PCCA: variants seen among roughly 807,000 people sequenced by gnomAD.
PCCA encodes the protein propionyl-CoA carboxylase subunit alpha.
A neutral mutation model predicts 101.3 loss-of-function variants in PCCA; 74 were observed. That is an observed-to-expected ratio of 0.73 (90% confidence interval 0.61 to 0.89). PCCA has a LOEUF of 0.89. Among genes scored for constraint, PCCA ranks in the 40% least tolerant of loss-of-function variants. PCCA has a pLI of 0.00. For synonymous variants in PCCA, 294 were observed against 313.6 expected, an observed-to-expected ratio of 0.94 and a Z score of 0.66; for missense variants, 891 against 907.0, an observed-to-expected ratio of 0.98 and a Z score of 0.23.
At chr13:100,362,386 A>G (rs2074717036) in intron 18 of PCCA, among the ~76,000 whole-genome samples, 2 of 152,246 alleles carry the variant, frequency 1.3e-5, no homozygotes, top group African/African-American at 2.4e-5. Flanking sequence ...TTTAGCATTT[A>G]TGTGCCAAAC....
chr13:100,174,833 C>T (rs1246335700), intron 6 of PCCA, among the ~76,000 whole-genome samples: 1 of 151,394 alleles, frequency 6.6e-6, no homozygotes, highest in Admixed American at 6.6e-5. Context: ...TATTACTCTT[C>T]TTTATGAGTA....
At chr13:100,224,819 A>G (rs549729226) in intron 7 of PCCA, among the ~76,000 whole-genome samples, 9 of 152,334 alleles carry the variant, frequency 5.9e-5, no homozygotes, top group South Asian at 2.1e-4. Flanking sequence ...CTCTAATGTC[A>G]GTGAAAACAT....
intron 8 of PCCA, among the ~76,000 whole-genome samples, chr13:100,250,573 A>G (rs899857233): frequency 6.6e-6 from 1 of 151,982 alleles, no homozygotes; most frequent in African/African-American, 2.4e-5. Context: ...GTAACTTATA[A>G]TAGTATTTGT....
At chr13:100,420,543 C>T (rs141229342) in intron 19 of PCCA, among the ~76,000 whole-genome samples, 249 of 152,256 alleles carry the variant, frequency 1.6e-3, no homozygotes, top group South Asian at 4.8e-3. Context: ...CATGCCACTG[C>T]ACTCCAGCCT....
At chr13:100,282,022 G>T (rs1595097664) in intron 12 of PCCA, among the ~76,000 whole-genome samples, 1 of 152,142 alleles carries the variant, frequency 6.6e-6, no homozygotes, top group African/African-American at 2.4e-5. Context: ...ATCTTTGTGT[G>T]ATAGTGAAAA....
At chr13:100,481,006 G>T (rs926952012) in intron 21 of PCCA, 1 of 152,162 alleles carries the variant, frequency 6.6e-6, no homozygotes, top group Non-Finnish European at 1.5e-5. Context: ...ATTTCAGCTC[G>T]GCACTTAGCC....
At chr13:100,165,154 G>T (rs1190294880) in intron 6 of PCCA, among the ~76,000 whole-genome samples, 1 of 152,102 alleles carries the variant, frequency 6.6e-6, no homozygotes, top group Non-Finnish European at 1.5e-5. Flanking sequence ...GTATCTGTTT[G>T]GGTCCCTGCT....
rs1225598877 is a variant in PCCA at position 100,193,513 on chromosome 13, CTT to C, written c.469-15818_469-15817del. ...ATGGTTTTTTAGTAATAAAGTGAGACTTAATACAGTGCTTTTAAATAGTATGA... is the reference window on the plus strand; with the variant it reads ...ATGGTTTTTTAGTAATAAAGTGAGACAATACAGTGCTTTTAAATAGTATGA... On this transcript the variant is annotated intron_variant, in intron 6 of 23. Transcript: ENST00000376285. Among the ~76,000 whole-genome samples, 8 of 152,142 alleles carry C rather than the reference CTT, an allele frequency of 5.3e-5. No individual in the cohort carries two copies. The East Asian group carries it at 5.8e-4, about 11-fold the overall frequency.
chr13:100,278,796 C>T (rs955652448), intron 12 of PCCA, among the ~76,000 whole-genome samples: 2 of 151,896 alleles, frequency 1.3e-5, no homozygotes, highest in African/African-American at 2.4e-5. Context: ...ATATTTTTAT[C>T]GAATAATTCT....
intron 4 of PCCA, among the ~76,000 whole-genome samples, chr13:100,137,300 G>A (rs1045236026): frequency 6.6e-6 from 1 of 152,000 alleles, no homozygotes; most frequent in African/African-American, 2.4e-5. Context: ...TGTTTCATGT[G>A]CACTTGTAAA....
intron 19 of PCCA, among the ~76,000 whole-genome samples, chr13:100,411,225 AT>A (rs566218424): frequency 0.024 from 3,316 of 135,600 alleles, 79 homozygotes; most frequent in African/African-American, 0.066. Flanking sequence ...GTGCCTCTTG[AT>A]TTTTTTTTTT....
intron 21 of PCCA, among the ~76,000 whole-genome samples, chr13:100,495,863 G>A (rs2085237032): frequency 6.6e-6 from 1 of 152,084 alleles, no homozygotes; most frequent in South Asian, 2.1e-4. Context: ...CTTAGACTTG[G>A]GAAAAGTTGC....
intron 11 of PCCA, among the ~76,000 whole-genome samples, chr13:100,271,208 G>GT (rs932698058): frequency 4.0e-5 from 6 of 151,822 alleles, no homozygotes; most frequent in African/African-American, 1.5e-4. Flanking sequence ...GTTAGTTGGG[G>GT]TTTTTTTTAG....
chr13:100,519,448 A>G (rs2087068453), intron 22 of PCCA, among the ~76,000 whole-genome samples: 1 of 152,380 alleles, frequency 6.6e-6, no homozygotes, highest in Admixed American at 6.5e-5. Flanking sequence ...CTTGTGAACA[A>G]CGCCTTAAAG....
In PCCA at chr13:100,405,772, T is replaced by TG. The variant is rs201290254; in HGVS notation, c.1747-19861_1747-19860insG. Among the ~76,000 whole-genome samples, 134 of 144,806 alleles carry TG rather than the reference T, an allele frequency of 9.3e-4. 1 individual carries two copies. Among genetic ancestry groups the TG allele is most frequent in the South Asian group, 2.1e-3 (9 of 4,376 alleles). The allele number at this position is 144,806 out of a possible 152,430, so 95.0% of individuals were successfully genotyped here. On this transcript the variant is annotated intron_variant, in intron 19 of 23. Coordinates refer to ENST00000376285, the MANE Select transcript of PCCA (RefSeq NM_000282.4). ...GGACCTGTTAGGAAGTGACATTCTT[T>TG]TTTTTTTTTTTTTTTTTGAGATGGA...
At chr13:100,413,488 T>G (rs940306616) in intron 19 of PCCA, among the ~76,000 whole-genome samples, 6 of 152,074 alleles carry the variant, frequency 3.9e-5, no homozygotes, top group Admixed American at 6.6e-5. Flanking sequence ...ACAAGAAAAA[T>G]TGAAGAACAG....
At chr13:100,201,772 G>C (rs546570310) in intron 6 of PCCA, among the ~76,000 whole-genome samples, 1 of 141,060 alleles carries the variant, frequency 7.1e-6, no homozygotes, top group African/African-American at 2.7e-5. Context: ...CAGGAGAATC[G>C]CTTGAACCCG....
In PCCA at chr13:100,276,077, CTCT is replaced by C. The variant is rs545308095; in HGVS notation, c.1065+2736_1065+2738del. 3.3e-5 allele frequency among the ~76,000 whole-genome samples: 5 copies of C among 151,854 alleles called. No homozygotes were observed. The South Asian group carries it at 6.2e-4, about 19-fold the overall frequency. ...GCCTTGTTCATGAAATGCGTTTTTA[CTCT>C]TCTTAGACGTCTTGGCTGTGGGCCG... is the stretch of plus-strand genomic sequence containing the variant. On this transcript the variant is annotated intron_variant, in intron 12 of 23. Coordinates refer to ENST00000376285, the MANE Select transcript of PCCA (RefSeq NM_000282.4).
At chr13:100,457,001 G>A (rs1177042057) in intron 21 of PCCA, among the ~76,000 whole-genome samples, 1 of 152,066 alleles carries the variant, frequency 6.6e-6, no homozygotes, top group South Asian at 2.1e-4. Flanking sequence ...TGGCATTACC[G>A]CTTGACCAAG....
Sources: gnomAD v4.1 joint callset for allele counts (sites outside exome capture counted in the v4.1 genomes callset) on GRCh38, gnomAD v4.1.1 for gene constraint, MANE v1.5 for transcripts, NCBI Gene and HGNC (gene_info 2026-07-23, HGNC 2026-07-21) for gene names.